Variants in SFRP1 observed in about 807,000 individuals in gnomAD.
The protein encoded by SFRP1 is secreted frizzled-related protein 1.
In SFRP1, 9 loss-of-function variants were observed where a neutral mutation model predicts 25.9. The observed-to-expected ratio is 0.35, with a 90% CI of 0.21 to 0.61. SFRP1 has a LOEUF of 0.61. Ranked by LOEUF, SFRP1 falls within the 20% of genes least tolerant of loss-of-function variation. The pLI, the probability that SFRP1 is intolerant of heterozygous loss-of-function variation, is 0.78. For missense variants in SFRP1, 346 were observed against 418.2 expected (o/e 0.83, Z 1.51); for synonymous variants, 178 against 174.0 (o/e 1.02, Z -0.18).
At chr8:41,306,823 C>G (rs904816456) in intron 1 of SFRP1, 2 of 1,597,898 alleles carry the variant, frequency 1.3e-6, no homozygotes, top group Admixed American at 1.7e-5. Context: ...AAAAGGTGTC[C>G]GGAAGACAGC....
chr8:41,271,964 CA>C (rs973560880), intron 2 of SFRP1, among the ~76,000 whole-genome samples: 1 of 151,256 alleles, frequency 6.6e-6, no homozygotes, highest in Non-Finnish European at 1.5e-5. Context: ...GACCCTGCCT[CA>C]AAAAAAATTG....
intron 1 of SFRP1, among the ~76,000 whole-genome samples, chr8:41,304,207 AGAG>A (rs899928803): frequency 3.3e-5 from 5 of 152,114 alleles, no homozygotes; most frequent in African/African-American, 1.2e-4. Flanking sequence ...AGTGCTTTGA[AGAG>A]GAGGTTTGTG....
chr8:41,303,582 C>A, intron 1 of SFRP1, 44 bp from the exon 2 acceptor site: 3 of 1,520,354 alleles, frequency 2.0e-6, no homozygotes. Flanking sequence ...AGTTACAGAG[C>A]AGGAAGGGAG....
chr8:41,283,920 T>C (rs1202256712), intron 2 of SFRP1, among the ~76,000 whole-genome samples: 3 of 152,134 alleles, frequency 2.0e-5, no homozygotes, highest in Non-Finnish European at 4.4e-5. Context: ...AAGAGTTGAT[T>C]AGAGCTTGTT....
intron 2 of SFRP1, among the ~76,000 whole-genome samples, chr8:41,273,715 G>A (rs781288284): frequency 1.8e-4 from 28 of 152,162 alleles, no homozygotes; most frequent in African/African-American, 2.9e-4. Context: ...GGTTTTTCCC[G>A]AACAACTGTG....
intron 2 of SFRP1, among the ~76,000 whole-genome samples, chr8:41,287,375 G>A (rs980906300): frequency 5.3e-5 from 8 of 152,234 alleles, no homozygotes; most frequent in South Asian, 2.1e-4. Flanking sequence ...CACCATGGCC[G>A]AAGCGATGCT....
chr8:41,302,030 A>G (rs1012848453), intron 2 of SFRP1, among the ~76,000 whole-genome samples: 1 of 152,164 alleles, frequency 6.6e-6, no homozygotes, highest in African/African-American at 2.4e-5. Flanking sequence ...GAATCCTCCA[A>G]CTTCTGTCTT....
At chr8:41,274,230 C>A (rs1172437291) in intron 2 of SFRP1, among the ~76,000 whole-genome samples, 1 of 152,170 alleles carries the variant, frequency 6.6e-6, no homozygotes, top group Admixed American at 6.5e-5. Flanking sequence ...CTCTGAAGAA[C>A]CCTGTCTAAC....
intron 1 of SFRP1, chr8:41,307,056 C>T: frequency 7.1e-7 from 1 of 1,406,448 alleles, no homozygotes; most frequent in Non-Finnish European, 9.3e-7. Flanking sequence ...GGGCTGGGCA[C>T]AGCCTCACAG....
chr8:41,291,047 C>T (rs1224165945), intron 2 of SFRP1, among the ~76,000 whole-genome samples: 3 of 151,222 alleles, frequency 2.0e-5, no homozygotes, highest in African/African-American at 7.3e-5. Flanking sequence ...GCTGGGACTA[C>T]AGGCGCCCGC....
chr8:41,305,539 G>A (rs754963088), intron 1 of SFRP1, among the ~76,000 whole-genome samples: 51 of 152,176 alleles, frequency 3.4e-4, no homozygotes, highest in Non-Finnish European at 6.3e-4. Flanking sequence ...TGTGTGATGC[G>A]GTATTAACCT....
At chr8:41,269,198 C>A (rs2117479657) in intron 2 of SFRP1, among the ~76,000 whole-genome samples, 1 of 152,286 alleles carries the variant, frequency 6.6e-6, no homozygotes, top group African/African-American at 2.4e-5. Flanking sequence ...CCACCTTGGA[C>A]CCTGGATCTC....
chr8:41,276,659 G>T (rs1224332800), intron 2 of SFRP1, among the ~76,000 whole-genome samples: 1 of 152,126 alleles, frequency 6.6e-6, no homozygotes. Context: ...TAAACTAAAA[G>T]AACAAGATCC....
chr8:41,307,025 T>C lies in SFRP1; in HGVS notation c.544+1591A>G, dbSNP rs143342404. On this transcript the variant is annotated intron_variant, in intron 1 of 2. Transcript: ENST00000220772. Reference sequence around the variant, plus strand: ...CCCAGAAAGAGACCATCGGAAGCCATTGGGAATGGACTCCAGGTCAGGGCT... The same window carrying C: ...CCCAGAAAGAGACCATCGGAAGCCACTGGGAATGGACTCCAGGTCAGGGCT... 7,342 of 1,441,244 alleles carry C rather than the reference T, an allele frequency of 5.1e-3. 32 individuals carry two copies. Among genetic ancestry groups the C allele is most frequent in the Middle Eastern group, 0.015 (60 of 3,902 alleles). The allele number at this position is 1,441,244 out of a possible 1,614,324, so 89.3% of individuals were successfully genotyped here.
chr8:41,305,637 C>T (rs1468192229), intron 1 of SFRP1, among the ~76,000 whole-genome samples: 1 of 152,162 alleles, frequency 6.6e-6, no homozygotes, highest in Non-Finnish European at 1.5e-5. Flanking sequence ...GGAACTAAAT[C>T]GCTGTTTTCA....
intron 2 of SFRP1, among the ~76,000 whole-genome samples, chr8:41,268,240 T>C (rs897284495): frequency 6.6e-6 from 1 of 152,098 alleles, no homozygotes; most frequent in African/African-American, 2.4e-5. Context: ...GCATCAATAG[T>C]ACTTTATTAT....
intron 2 of SFRP1, among the ~76,000 whole-genome samples, chr8:41,281,929 T>C (rs910044807): frequency 6.6e-6 from 1 of 152,166 alleles, no homozygotes; most frequent in Admixed American, 6.5e-5. Flanking sequence ...GGTCAACAAA[T>C]AAACAAGTTT....
chr8:41,286,676 C>A (rs959793103), intron 2 of SFRP1, among the ~76,000 whole-genome samples: 20 of 152,208 alleles, frequency 1.3e-4, no homozygotes, highest in Non-Finnish European at 2.1e-4. Context: ...TCTTTACACA[C>A]CCTGGCGTCA....
chr8:41,303,406 G>A (rs777946733), intron 2 of SFRP1, 55 bp downstream of exon 2: 45 of 1,304,572 alleles, frequency 3.4e-5, no homozygotes, highest in Non-Finnish European at 4.8e-5. Flanking sequence ...GTCTGGCAGA[G>A]GCACAGACCA....
Sources: gnomAD v4.1 joint callset for allele counts (sites outside exome capture counted in the v4.1 genomes callset) on GRCh38, gnomAD v4.1.1 for gene constraint, MANE v1.5 for transcripts, NCBI Gene and HGNC (gene_info 2026-07-23, HGNC 2026-07-21) for gene names.